The following EPG5 variants were observed in gnomAD, a reference collection of about 807,000 sequenced individuals.
EPG5 encodes ectopic P-granules 5 autophagy tethering factor.
Under a neutral mutation model 302.7 loss-of-function variants are expected in EPG5, and 159 were observed. That is an observed-to-expected ratio of 0.53 (90% CI 0.46 to 0.60). The LOEUF (loss-of-function observed/expected upper bound fraction) is 0.60, where lower values mean the gene tolerates loss of function less well. Among genes scored for constraint, EPG5 ranks in the 20% least tolerant of loss-of-function variants. The pLI, the probability that EPG5 is intolerant of heterozygous loss-of-function variation, is 0.00. For missense variants in EPG5, 2,896 were observed against 3,092.4 expected (o/e 0.94, Z 1.51); for synonymous variants, 1,158 against 1,136.8 (o/e 1.02, Z -0.37).
At chr18:45,912,980 C>T (rs1164293456) in intron 21 of EPG5, among the ~76,000 whole-genome samples, 2 of 151,410 alleles carry the variant, frequency 1.3e-5, no homozygotes, top group Non-Finnish European at 2.9e-5. Context: ...CCCAGCTACT[C>T]GGGAGGCTGA....
chr18:45,904,078 G>A lies in EPG5; in HGVS notation c.4369C>T (p.His1457Tyr). 2 of 1,612,760 alleles carry A rather than the reference G, an allele frequency of 1.2e-6. No homozygotes were observed. Among genetic ancestry groups the A allele is most frequent in the Non-Finnish European group, 1.7e-6 (2 of 1,179,800 alleles). ...MEYLNMERIY[H>Y]EFQETVGLWT... ...AGACCAACAGTCTCCTGAAACTCATGATAGATGCGCTCCATGTTCAAATAC... is the reference window on the plus strand; with the variant it reads ...AGACCAACAGTCTCCTGAAACTCATAATAGATGCGCTCCATGTTCAAATAC... The change falls in exon 25 of 44, where the codon CAT becomes TAT. Residue 1457 changes from histidine (H) to tyrosine (Y), a missense_variant. Physicochemically the swap from His to Tyr is moderately conservative, Grantham distance 83. This residue lies in a region of EPG5 where 790 missense variants were observed against 798.0 expected (regional missense o/e 0.99). Coordinates refer to ENST00000282041, the MANE Select transcript of EPG5 (RefSeq NM_020964.3).
chr18:45,805,188 G>A, the EPG5 span, among the ~76,000 whole-genome samples: 1 of 152,004 alleles, frequency 6.6e-6, no homozygotes, highest in Non-Finnish European at 1.5e-5. Context: ...CCCTAGATTG[G>A]CTCCTGAAAC....
At chr18:45,893,357 G>A (rs1231430030) in intron 27 of EPG5, among the ~76,000 whole-genome samples, 2 of 152,040 alleles carry the variant, frequency 1.3e-5, no homozygotes, top group African/African-American at 4.8e-5. Flanking sequence ...TTGAGGTCAG[G>A]AGGTCAAGAC....
chr18:45,825,185 A>G, the EPG5 span, among the ~76,000 whole-genome samples: 3 of 101,482 alleles, frequency 3.0e-5, no homozygotes, highest in South Asian at 8.5e-4. Flanking sequence ...GAAGAGAGGG[A>G]GGGAGAGAGG....
In EPG5 at chr18:45,938,420, C is replaced by T. The variant is rs563525105; in HGVS notation, c.2099+1180G>A. 2.2e-3 allele frequency among the ~76,000 whole-genome samples: 329 copies of T among 149,192 alleles called. 1 individual carries two copies. The highest frequency in any genetic ancestry group is 7.8e-3 in the African/African-American group (313 of 40,244). On this transcript the variant is annotated intron_variant, in intron 10 of 43. Transcript: ENST00000282041. ...GAGGTTGCAGTGAGCCAAGATCATG[C>T]TACTACACTCCAGCCTGGGCAACAA...
chr18:45,964,906 T>C (rs140143499), intron 1 of EPG5, among the ~76,000 whole-genome samples: 1 of 152,160 alleles, frequency 6.6e-6, no homozygotes, highest in African/African-American at 2.4e-5. Context: ...TGAGCAGAGA[T>C]CGCGCCACTG....
intron 28 of EPG5, among the ~76,000 whole-genome samples, chr18:45,888,642 G>A (rs1020343303): frequency 1.3e-5 from 2 of 152,054 alleles, no homozygotes; most frequent in South Asian, 2.1e-4. Flanking sequence ...GTTTCACCAC[G>A]TTGGTCAGGC....
chr18:45,936,013 C>T (rs979821162), intron 10 of EPG5, among the ~76,000 whole-genome samples: 5 of 152,166 alleles, frequency 3.3e-5, no homozygotes, highest in African/African-American at 1.2e-4. Flanking sequence ...GATCCCCACA[C>T]TGTAGTGGCA....
At chr18:45,895,570 TC>T (rs1225927479) in intron 27 of EPG5, among the ~76,000 whole-genome samples, 3 of 152,036 alleles carry the variant, frequency 2.0e-5, no homozygotes, top group African/African-American at 7.2e-5. Flanking sequence ...AAGAAGAGAA[TC>T]AGGATAACTA....
At chr18:45,823,109 A>G in the EPG5 span, among the ~76,000 whole-genome samples, 2 of 152,168 alleles carry the variant, frequency 1.3e-5, no homozygotes, top group Non-Finnish European at 2.9e-5. Context: ...ACTTCCTAGG[A>G]GAGGTGACCA....
At position 45,943,157 on chromosome 18, in the gene EPG5, T is replaced by C. The variant is rs368879665; in HGVS notation, c.1943+4A>G. 33 of 1,613,956 alleles carry C rather than the reference T, an allele frequency of 2.0e-5. 1 individual carries two copies. Among genetic ancestry groups the C allele is most frequent in the Non-Finnish European group, 2.5e-5 (29 of 1,179,972 alleles). ...AGAGAAGGGTAGAGCAACAGCAGTA[T>C]TACCTGATCATATAACCAATTCGCT... On this transcript the variant is annotated splice_donor_region_variant and intron_variant, in intron 9 of 43. Transcript: ENST00000282041.
At chr18:45,959,658 C>CTAAACAAATAAA (rs2051106235) in intron 1 of EPG5, among the ~76,000 whole-genome samples, 1 of 140,874 alleles carries the variant, frequency 7.1e-6, no homozygotes, top group Non-Finnish European at 1.5e-5. Flanking sequence ...GAGACTGTCT[C>CTAAACAAATAAA]TAAATAAATA....
At chr18:45,953,818 C>G (rs2050963852) in intron 2 of EPG5, 5 of 984,948 alleles carry the variant, frequency 5.1e-6, no homozygotes, top group Non-Finnish European at 6.0e-6. Context: ...CATCCCCACT[C>G]AATGGGGAAG....
At chr18:45,929,867 A>G (rs2050361160) in intron 12 of EPG5, among the ~76,000 whole-genome samples, 1 of 152,256 alleles carries the variant, frequency 6.6e-6, no homozygotes. Context: ...AAGAACATCC[A>G]GGTTTGTCAT....
chr18:45,875,694 A>T (rs981380165), intron 35 of EPG5, among the ~76,000 whole-genome samples: 7 of 152,194 alleles, frequency 4.6e-5, no homozygotes, highest in Non-Finnish European at 1.0e-4. Flanking sequence ...ATATTGGAAG[A>T]GAGAAAGACT....
At chr18:45,841,829 C>T in the EPG5 span, among the ~76,000 whole-genome samples, 15 of 152,128 alleles carry the variant, frequency 9.9e-5, no homozygotes, top group Admixed American at 2.6e-4. Context: ...GAGGCCAGGC[C>T]GGAGATTCCG....
rs572687101 is a variant in EPG5, at chr18:45,947,964, G to A, written c.1571+539C>T. On this transcript the variant is annotated intron_variant, in intron 6 of 43. Coordinates refer to ENST00000282041, the MANE Select transcript of EPG5 (RefSeq NM_020964.3). ...TAATTTTTGTATTTTTAGTAGAGAC[G>A]GAGTTTCACCGTGTTGGCCAGGCTG... Among the ~76,000 whole-genome samples the A allele has an allele frequency of 1.5e-4, 23 of 151,974 alleles. No individual in the cohort carries two copies. The South Asian group carries it at 1.9e-3, about 12-fold the overall frequency.
the EPG5 span, among the ~76,000 whole-genome samples, chr18:45,813,099 A>G: frequency 1.4e-3 from 213 of 152,326 alleles, no homozygotes; most frequent in African/African-American, 4.8e-3. Context: ...TCAAAAAGTG[A>G]GCAAAGGATA....
intron 5 of EPG5, 148 bp from the exon 6 acceptor site, chr18:45,948,724 T>A (rs2050840845): frequency 1.3e-5 from 8 of 627,604 alleles, no homozygotes; most frequent in Admixed American, 2.5e-5. Context: ...GCACAGCCCA[T>A]GGGTTACCTG....
Sources: allele counts gnomAD v4.1 joint callset (sites outside exome capture counted in the v4.1 genomes callset), GRCh38; gene constraint gnomAD v4.1.1; regional missense constraint gnomAD v4.1.1; transcripts MANE v1.5; gene names NCBI Gene and HGNC (gene_info 2026-07-23, HGNC 2026-07-21).